The following ADGRG6 variants were observed in gnomAD, a reference collection of about 807,000 sequenced individuals.
ADGRG6 encodes the protein G-protein coupled receptor 126.
ADGRG6 carries 84 observed loss-of-function variants against 142.4 expected under a neutral mutation model. The ratio of observed to expected loss-of-function variants is 0.59; its 90% CI spans 0.49 to 0.71. ADGRG6 has a LOEUF of 0.71. Ranked by LOEUF, ADGRG6 falls within the 30% of genes least tolerant of loss-of-function variation. ADGRG6 has a pLI of 0.00. For synonymous variants in ADGRG6, 521 were observed against 520.5 expected (o/e 1.00, Z -0.01); for missense variants, 1,367 against 1,466.6 (o/e 0.93, Z 1.11).
chr6:142,306,689 G>A (rs1430591117), intron 1 of ADGRG6, among the ~76,000 whole-genome samples: 1 of 152,054 alleles, frequency 6.6e-6, no homozygotes, highest in African/African-American at 2.4e-5. Context: ...TTTTGTGTGT[G>A]TGTGTTTTTT....
At chr6:142,391,843 A>G (rs751406118) in intron 7 of ADGRG6, among the ~76,000 whole-genome samples, 2 of 151,868 alleles carry the variant, frequency 1.3e-5, no homozygotes, top group African/African-American at 2.4e-5. Flanking sequence ...TTCATTCTCA[A>G]ATAAGCTACT....
At chr6:142,441,026 C>A in intron 24 of ADGRG6, 1 of 692,492 alleles carries the variant, frequency 1.4e-6, no homozygotes. Flanking sequence ...ATGGATTAAG[C>A]TAAGATTCTT....
chr6:142,438,341 A>G lies in ADGRG6; in HGVS notation c.3551A>G (p.Tyr1184Cys), dbSNP rs1777587869. ...AAATCTAAATCCAGCTCTACCACCT[A>G]TTTCAAAAGGAATAGCCACACAGGT... is the stretch of plus-strand genomic sequence containing the variant. ...TSKSKSSSTT[Y>C]FKRNSHTDSA... Residue 1184 changes from tyrosine (Y) to cysteine (C), a missense_variant, in exon 24 of 25, where the codon TAT becomes TGT. Transcript: ENST00000367609. 1 of 1,608,838 alleles carries G rather than the reference A, an allele frequency of 6.2e-7. No homozygotes were observed. Among genetic ancestry groups the G allele is most frequent in the Non-Finnish European group, 8.5e-7 (1 of 1,177,576 alleles).
chr6:142,408,277 A>G lies in ADGRG6; in HGVS notation c.2388+8A>G, dbSNP rs1380935487. On this transcript the variant is annotated splice_region_variant and intron_variant, in intron 16 of 24. Coordinates refer to ENST00000367609, the MANE Select transcript of ADGRG6 (RefSeq NM_198569.3). ...AAACATACAAGAACTCAGGTAAGAA[A>G]ACGCTCCCAATAGCATTTGGACAGA... 6.5e-7 allele frequency: 1 copy of G among 1,550,150 alleles called. No individual in the cohort carries two copies.
intron 2 of ADGRG6, among the ~76,000 whole-genome samples, chr6:142,348,830 T>G (rs935443100): frequency 1.3e-5 from 2 of 152,200 alleles, no homozygotes; most frequent in Non-Finnish European, 2.9e-5. Flanking sequence ...GAAAACATGG[T>G]GATCTTTAAA....
intron 2 of ADGRG6, among the ~76,000 whole-genome samples, chr6:142,327,986 G>T (rs1374769423): frequency 6.6e-6 from 1 of 151,812 alleles, no homozygotes; most frequent in African/African-American, 2.4e-5. Flanking sequence ...AAAGGCAAAA[G>T]AATTATTTTT....
At chr6:142,314,826 C>G (rs1777948981) in intron 2 of ADGRG6, among the ~76,000 whole-genome samples, 1 of 152,142 alleles carries the variant, frequency 6.6e-6, no homozygotes, top group African/African-American at 2.4e-5. Context: ...CCAAATGACT[C>G]TCTTAGTAAT....
chr6:142,391,446 C>T, intron 7 of ADGRG6, among the ~76,000 whole-genome samples: 1 of 149,594 alleles, frequency 6.7e-6, no homozygotes, highest in Non-Finnish European at 1.5e-5. Flanking sequence ...CACACACACA[C>T]ACACACACAC....
intron 2 of ADGRG6, among the ~76,000 whole-genome samples, chr6:142,312,580 A>G (rs1777820952): frequency 6.6e-6 from 1 of 152,092 alleles, no homozygotes; most frequent in African/African-American, 2.4e-5. Context: ...ACAACATCCA[A>G]TACAATCAAA....
chr6:142,341,397 T>A (rs1331944761), intron 2 of ADGRG6, among the ~76,000 whole-genome samples: 1 of 123,964 alleles, frequency 8.1e-6, no homozygotes, highest in Non-Finnish European at 1.6e-5. Flanking sequence ...TATATTATAT[T>A]ATATAATATA....
intron 7 of ADGRG6, 41 bp downstream of exon 7, chr6:142,390,384 T>C (rs764827281): frequency 5.3e-6 from 6 of 1,130,090 alleles, no homozygotes; most frequent in Admixed American, 1.9e-5. Context: ...AAAAATTCTT[T>C]AACTTCTGGG....
chr6:142,413,029 T>TTATATATATATATATATA (rs139522751), intron 18 of ADGRG6, among the ~76,000 whole-genome samples: 1 of 150,098 alleles, frequency 6.7e-6, no homozygotes, highest in Non-Finnish European at 1.5e-5. Context: ...GAATGGTTAA[T>TTATATATATATATATATA]TATATATATA....
chr6:142,419,399 A>G (rs1157045642), intron 21 of ADGRG6, among the ~76,000 whole-genome samples: 1 of 152,158 alleles, frequency 6.6e-6, no homozygotes, highest in Non-Finnish European at 1.5e-5. Context: ...GCAGACTTCT[A>G]CTTCCATATC....
intron 2 of ADGRG6, among the ~76,000 whole-genome samples, chr6:142,326,595 A>G (rs1218141469): frequency 6.6e-6 from 1 of 151,786 alleles, no homozygotes; most frequent in African/African-American, 2.4e-5. Flanking sequence ...TACAGAACAG[A>G]GTTTTGTTCT....
At chr6:142,389,637 A>G (rs1032191777) in intron 6 of ADGRG6, among the ~76,000 whole-genome samples, 4 of 151,930 alleles carry the variant, frequency 2.6e-5, no homozygotes, top group African/African-American at 4.8e-5. Context: ...TGAAAATTCT[A>G]CCTGCAAATA....
At chr6:142,350,885 C>G (rs989417568) in intron 2 of ADGRG6, among the ~76,000 whole-genome samples, 6 of 152,106 alleles carry the variant, frequency 3.9e-5, no homozygotes, top group African/African-American at 1.4e-4. Flanking sequence ...AAAAACTATT[C>G]TAAAATCCAT....
chr6:142,390,862 T>C (rs183208270), intron 7 of ADGRG6, among the ~76,000 whole-genome samples: 6 of 151,966 alleles, frequency 3.9e-5, no homozygotes, highest in Admixed American at 3.9e-4. Flanking sequence ...AAACTATAGA[T>C]TCTTATTTTC....
In ADGRG6 at chr6:142,444,613, G is replaced by A. The variant is rs1777896616; in HGVS notation, c.*1098G>A. On this transcript the variant is annotated 3_prime_UTR_variant, in exon 25 of 25. Transcript: ENST00000367609. ...TAGCTAGTCTAAAAACTACTTGTGT[G>A]TCAGTCCTCTGGTTATAGTATATAA... 1 of 152,176 alleles carries A rather than the reference G, an allele frequency of 6.6e-6. No individual in the cohort carries two copies. Among genetic ancestry groups the A allele is most frequent in the South Asian group, 2.1e-4 (1 of 4,832 alleles). 9.4% of individuals were successfully genotyped at this position (152,176 alleles called of 1,614,324 possible). A position where few individuals can be genotyped will look rare whatever the true frequency, so the allele number is the denominator to read the frequency against.
intron 2 of ADGRG6, among the ~76,000 whole-genome samples, chr6:142,358,010 A>T (rs1780535783): frequency 6.6e-6 from 1 of 152,230 alleles, no homozygotes; most frequent in Non-Finnish European, 1.5e-5. Context: ...CTTTATATAG[A>T]TATCTCATTG....
Sources: gnomAD v4.1 joint callset for allele counts (sites outside exome capture counted in the v4.1 genomes callset) on GRCh38, gnomAD v4.1.1 for gene constraint, MANE v1.5 for transcripts, NCBI Gene and HGNC (gene_info 2026-07-23, HGNC 2026-07-21) for gene names.